PRDM15: variants seen among roughly 807,000 people sequenced by gnomAD.
The protein encoded by PRDM15 is PR domain zinc finger protein 15.
A neutral mutation model predicts 128.6 loss-of-function variants in PRDM15; 64 were observed. The observed-to-expected ratio is 0.50, with a 90% CI of 0.41 to 0.61. The LOEUF (loss-of-function observed/expected upper bound fraction) is 0.61, where lower values mean the gene tolerates loss of function less well. Ranked by LOEUF, PRDM15 falls within the 20% of genes least tolerant of loss-of-function variation. The probability of loss-of-function intolerance (pLI) is 0.00; values close to 1 mark genes in which losing one functional copy is unlikely to be tolerated. For synonymous variants in PRDM15, 615 were observed against 621.8 expected (o/e 0.99, Z 0.16); for missense variants, 1,242 against 1,569.1 (o/e 0.79, Z 3.52).
At chr21:41,836,819 A>T (rs774569068) in intron 8 of PRDM15, 170 bp from the exon 9 acceptor site, 2 of 552,692 alleles carry the variant, frequency 3.6e-6, no homozygotes, top group South Asian at 4.9e-5. Context: ...GGCATCTGAA[A>T]GGGACACCTT....
chr21:41,872,953 T>C (rs1285354114), intron 1 of PRDM15, among the ~76,000 whole-genome samples: 2 of 152,170 alleles, frequency 1.3e-5, no homozygotes, highest in African/African-American at 4.8e-5. Flanking sequence ...CGTGCACGGG[T>C]TCTGTTGCTG....
At chr21:41,864,045 T>G (rs1017428059) in intron 1 of PRDM15, among the ~76,000 whole-genome samples, 1 of 152,180 alleles carries the variant, frequency 6.6e-6, no homozygotes, top group Non-Finnish European at 1.5e-5. Flanking sequence ...GGTTTCACCA[T>G]GTTGGCCAGG....
In PRDM15 at chr21:41,856,666, G is replaced by A. The variant is rs183335209; in HGVS notation, c.285+510C>T. Among the ~76,000 whole-genome samples the A allele has an allele frequency of 1.4e-4, 21 of 152,192 alleles. No individual in the cohort carries two copies. The East Asian group carries it at 2.5e-3, about 18-fold the overall frequency. ...AATTTACATACATCTTAGTTTTCTC[G>A]AGTTCACGTCAAAGTAGAGAACCAC... is the stretch of plus-strand genomic sequence containing the variant. On this transcript the variant is annotated intron_variant, in intron 4 of 23. Coordinates refer to ENST00000398548, the MANE Select transcript of PRDM15 (RefSeq NM_001040424.3).
At position 41,821,263 on chromosome 21, in the gene PRDM15, C is replaced by A. The variant is rs1206337448; in HGVS notation, c.1897-33G>T. On this transcript the variant is annotated intron_variant, in intron 15 of 23. Transcript: ENST00000398548. The surrounding 1 kb of genome is among the most constrained non-coding windows in gnomAD (Gnocchi z 5.4). Reference sequence around the variant, plus strand: ...CCAGGTGGACAGGGCACTGCTGACACCCGCATGAGGTCCCTGGTCCTCTTA... The same window carrying A: ...CCAGGTGGACAGGGCACTGCTGACAACCGCATGAGGTCCCTGGTCCTCTTA... The A allele has an allele frequency of 6.2e-7, 1 of 1,612,850 alleles. No individual in the cohort carries two copies. Among genetic ancestry groups the A allele is most frequent in the Admixed American group, 1.7e-5 (1 of 60,008 alleles).
intron 21 of PRDM15, among the ~76,000 whole-genome samples, chr21:41,806,552 CCACCATCACCATCACCA>C (rs2061661923): frequency 3.0e-3 from 24 of 7,888 alleles, no homozygotes; most frequent in Non-Finnish European, 5.2e-3. Context: ...ACCAACATCA[CCACCATCACCATCACCA>C]TACCACCACC....
chr21:41,804,705 A>C lies in PRDM15; in HGVS notation c.2653-91T>G. The C allele has an allele frequency of 3.3e-6, 3 of 910,992 alleles. No homozygotes were observed. In the South Asian group the frequency reaches 5.1e-5, roughly 16 times the overall value. The allele number at this position is 910,992 out of a possible 1,614,324, so 56.4% of individuals were successfully genotyped here. On this transcript the variant is annotated intron_variant, in intron 21 of 23. Coordinates refer to ENST00000398548, the MANE Select transcript of PRDM15 (RefSeq NM_001040424.3). Reference sequence around the variant, plus strand: ...CCACACACGCCTTGGGACCACCTCCACCACTCCTGCCCTTCCCTCCCAGGC... The same window carrying C: ...CCACACACGCCTTGGGACCACCTCCCCCACTCCTGCCCTTCCCTCCCAGGC...
rs540205846 is a variant in PRDM15, at chr21:41,859,287, C to T, written c.131+305G>A. On this transcript the variant is annotated intron_variant, in intron 3 of 23. Coordinates refer to ENST00000398548, the MANE Select transcript of PRDM15 (RefSeq NM_001040424.3). The surrounding 1 kb of genome is among the most constrained non-coding windows in gnomAD (Gnocchi z 5.3). ...CCAGCTTGGCTGCTGGTGCTCAGCA[C>T]GTCAACCACCTTGGCAAGTCCACTC... 37 of 1,507,480 alleles carry T rather than the reference C, an allele frequency of 2.5e-5. No individual in the cohort carries two copies. Among genetic ancestry groups the T allele is most frequent in the Admixed American group, 8.7e-5 (5 of 57,340 alleles). The allele number at this position is 1,507,480 out of a possible 1,614,324, so 93.4% of individuals were successfully genotyped here.
Position 41,836,192 on chromosome 21 carries a change from T to G in PRDM15, c.1199A>C (p.Lys400Thr). 1 of 1,614,018 alleles carries G rather than the reference T, an allele frequency of 6.2e-7. No homozygotes were observed. The highest frequency in any genetic ancestry group is 1.1e-5 in the South Asian group (1 of 91,068). ...GAACAATTTTGCACACTCTTCGCAC[T>G]TAAACAGCTTGTCACCTGAGGAACC... is the stretch of plus-strand genomic sequence containing the variant. ...HVRSHGDKLF[K>T]CEECAKLFSR... is the part of the protein sequence containing the mutation. Residue 400 changes from lysine (K) to threonine (T), a missense_variant, in exon 10 of 24, where the codon AAG becomes ACG. By Grantham distance (78) the Lys-to-Thr change is moderately conservative (BLOSUM62 -1). Coordinates refer to ENST00000398548, the MANE Select transcript of PRDM15 (RefSeq NM_001040424.3).
chr21:41,827,309 G>A (rs1341139904), intron 12 of PRDM15, among the ~76,000 whole-genome samples: 2 of 152,174 alleles, frequency 1.3e-5, no homozygotes, highest in South Asian at 4.1e-4. Flanking sequence ...AAAAAGGGAC[G>A]AAGGCACATG....
rs73906105 is a variant in PRDM15 at position 41,851,235 on chromosome 21, A to G, written c.538+3331T>C. Among the ~76,000 whole-genome samples the G allele has an allele frequency of 1.9e-3, 288 of 151,982 alleles. 1 individual carries two copies. The highest frequency in any genetic ancestry group is 6.6e-3 in the African/African-American group (275 of 41,444). On this transcript the variant is annotated intron_variant, in intron 5 of 23. Transcript: ENST00000398548. ...AGTGGGATTACGCAGTTACCCTAGA[A>G]CTCCAGTCCTTCACGTATCCAGTCT...
At chr21:41,826,611 A>G (rs773443483) in intron 12 of PRDM15, among the ~76,000 whole-genome samples, 3 of 152,252 alleles carry the variant, frequency 2.0e-5, no homozygotes, top group Non-Finnish European at 4.4e-5. Context: ...CATGCAAAAC[A>G]GGTAAGTTTT....
chr21:41,865,646 C>G (rs1282989675), intron 1 of PRDM15, among the ~76,000 whole-genome samples: 2 of 152,214 alleles, frequency 1.3e-5, no homozygotes, highest in Non-Finnish European at 2.9e-5. Flanking sequence ...CAATTACTCT[C>G]ACATCCTCTG....
In PRDM15 at chr21:41,859,802, C is replaced by A; in HGVS notation, c.38-117G>T. ...GTGACCCAGAGTCATGAGACACATG[C>A]ATGCCGACACTGCAAAGACAAGCAA... On this transcript the variant is annotated intron_variant, in intron 2 of 23. Coordinates refer to ENST00000398548, the MANE Select transcript of PRDM15 (RefSeq NM_001040424.3). The surrounding 1 kb of genome is among the most constrained non-coding windows in gnomAD (Gnocchi z 5.3). 1 of 780,110 alleles carries A rather than the reference C, an allele frequency of 1.3e-6. No individual in the cohort carries two copies. Among genetic ancestry groups the A allele is most frequent in the East Asian group, 2.7e-5 (1 of 37,310 alleles). The allele number at this position is 780,110 out of a possible 1,614,324, so 48.3% of individuals were successfully genotyped here. A position where few individuals can be genotyped will look rare whatever the true frequency, so the allele number is the denominator to read the frequency against.
At chr21:41,825,135 A>AG (rs2062423591) in intron 13 of PRDM15, among the ~76,000 whole-genome samples, 1 of 152,228 alleles carries the variant, frequency 6.6e-6, no homozygotes, top group Admixed American at 6.5e-5. Flanking sequence ...GCATCCTGTG[A>AG]GGGACAGTTC....
In PRDM15 at chr21:41,804,588, C is replaced by T. The variant is rs907096747; in HGVS notation, c.2679G>A (p.Leu893=). 1.4e-5 allele frequency: 22 copies of T among 1,569,946 alleles called. No homozygotes were observed. The highest frequency in any genetic ancestry group is 2.3e-5 in the South Asian group (2 of 85,202). The change falls in exon 22 of 24, where the codon CTG becomes CTA. Residue 893 remains leucine, a synonymous_variant. Transcript: ENST00000398548. The part of the protein sequence containing the change: ...PEVLAVRIDD[L]DHLPETTTID... ...TGGTGGTGGTCTCCGGGAGGTGGTC[C>T]AGGTCATCGATCCTCACCGCGAGCA... is the stretch of plus-strand genomic sequence containing the variant.
chr21:41,869,725 G>A (rs189242861), intron 1 of PRDM15, among the ~76,000 whole-genome samples: 93 of 152,304 alleles, frequency 6.1e-4, no homozygotes, highest in Non-Finnish European at 9.1e-4. Flanking sequence ...GATTACAGGC[G>A]TGAGCCACCA....
rs62216220 is a variant in PRDM15, at chr21:41,799,257, G to T, written c.*1983C>A. 0.082 allele frequency: 12,527 copies of T among 152,284 alleles called. 706 individuals carry two copies. The highest frequency in any genetic ancestry group is 0.12 in the Non-Finnish European group (8,497 of 68,014). The allele number at this position is 152,284 out of a possible 1,614,324, so 9.4% of individuals were successfully genotyped here. A position where few individuals can be genotyped will look rare whatever the true frequency, so the allele number is the denominator to read the frequency against. On this transcript the variant is annotated 3_prime_UTR_variant, in exon 24 of 24. Transcript: ENST00000398548. ...CCTTTAGATTCTGCAAAGGCAAAAA[G>T]AAATCGATACTGATTTTTAAAAATA...
In PRDM15 at chr21:41,856,265, TCCTTCCTTCCCTCCTTCCCCTCCCTC is replaced by T. The variant is rs1185010548; in HGVS notation, c.285+885_285+910del. Among the ~76,000 whole-genome samples the T allele has an allele frequency of 7.4e-5, 4 of 54,186 alleles. 1 individual carries two copies. The highest frequency in any genetic ancestry group is 7.8e-5 in the Non-Finnish European group (2 of 25,516). The allele number at this position is 54,186 out of a possible 152,430, so 35.5% of individuals were successfully genotyped here. A position where few individuals can be genotyped will look rare whatever the true frequency, so the allele number is the denominator to read the frequency against. On this transcript the variant is annotated intron_variant, in intron 4 of 23. Transcript: ENST00000398548. The stretch of plus-strand genomic sequence containing the variant: ...CCTTCCTTCCCTCCCTCCCCTCCCT[TCCTTCCTTCCCTCCTTCCCCTCCCTC>T]CCTTCCTTCCTTCTTTCTTTTGTAA...
At chr21:41,829,397 A>G (rs2062603140) in intron 11 of PRDM15, among the ~76,000 whole-genome samples, 1 of 151,918 alleles carries the variant, frequency 6.6e-6, no homozygotes, top group Non-Finnish European at 1.5e-5. Context: ...TTCAACATAA[A>G]CTACACACAC....
Sources: gnomAD v4.1 joint callset for allele counts (sites outside exome capture counted in the v4.1 genomes callset) on GRCh38, gnomAD v4.1.1 for gene constraint, Gnocchi (gnomAD v3.1) non-coding constraint, MANE v1.5 for transcripts, NCBI Gene and HGNC (gene_info 2026-07-23, HGNC 2026-07-21) for gene names.